Variants in WDFY4 observed in about 807,000 individuals in gnomAD.
WDFY4 encodes WDFY family member 4.
In WDFY4, 169 loss-of-function variants were observed where a neutral mutation model predicts 351.9. That is an observed-to-expected ratio of 0.48 (90% CI 0.42 to 0.55). The LOEUF (loss-of-function observed/expected upper bound fraction) is 0.55, where lower values mean the gene tolerates loss of function less well. Among genes scored for constraint, WDFY4 ranks in the 20% least tolerant of loss-of-function variants. The pLI, the probability that WDFY4 is intolerant of heterozygous loss-of-function variation, is 0.00. For missense variants in WDFY4, 3,803 were observed against 3,935.6 expected, an observed-to-expected ratio of 0.97 and a Z score of 0.90; for synonymous variants, 1,622 against 1,574.6, an observed-to-expected ratio of 1.03 and a Z score of -0.71.
rs2064168437 is a variant in WDFY4 at position 48,723,708 on chromosome 10, C to T, written c.591+141C>T. The T allele has an allele frequency of 4.3e-6, 5 of 1,175,354 alleles. No homozygotes were observed. The South Asian group carries it at 4.8e-5, about 11-fold the overall frequency. 72.8% of individuals were successfully genotyped at this position (1,175,354 alleles called of 1,614,324 possible). On this transcript the variant is annotated intron_variant, in intron 5 of 61. Coordinates refer to ENST00000325239, the MANE Select transcript of WDFY4 (RefSeq NM_001394531.1). Reference sequence around the variant, plus strand: ...TGTTCTCCCAGAGGGTCTAACCTCCCCCTCCCCTCCCCACCACTGCACAGT... The same window carrying T: ...TGTTCTCCCAGAGGGTCTAACCTCCTCCTCCCCTCCCCACCACTGCACAGT...
At chr10:48,900,787 C>T (rs999827916) in intron 46 of WDFY4, among the ~76,000 whole-genome samples, 1 of 152,120 alleles carries the variant, frequency 6.6e-6, no homozygotes, top group Admixed American at 6.5e-5. Context: ...TGTTTTTCTC[C>T]AGATGGATCA....
At chr10:48,821,618 G>T (rs542891740) in intron 34 of WDFY4, among the ~76,000 whole-genome samples, 3 of 152,270 alleles carry the variant, frequency 2.0e-5, no homozygotes, top group Admixed American at 6.5e-5. Flanking sequence ...AAAATTGAAG[G>T]TTCATTCAAA....
Position 48,830,968 on chromosome 10 carries a change from G to C in WDFY4, c.6526+83G>C, listed in dbSNP as rs2068170628. 2.9e-6 allele frequency: 4 copies of C among 1,394,046 alleles called. No individual in the cohort carries two copies. In the South Asian group the frequency reaches 4.3e-5, roughly 15 times the overall value. The allele number at this position is 1,394,046 out of a possible 1,614,324, so 86.4% of individuals were successfully genotyped here. ...CCCGCAAGGTTCAACTCAGTGCCTA[G>C]AGCCTTTTCCACCTGGACCCTCTGT... On this transcript the variant is annotated intron_variant, in intron 38 of 61. Transcript: ENST00000325239.
intron 53 of WDFY4, among the ~76,000 whole-genome samples, chr10:48,961,472 G>T (rs2131796372): frequency 6.6e-6 from 1 of 152,350 alleles, no homozygotes; most frequent in Admixed American, 6.5e-5. Context: ...TAGGAAGCAT[G>T]TGAACACCCA....
intron 40 of WDFY4, 56 bp downstream of exon 40, chr10:48,867,398 C>A: frequency 2.5e-6 from 3 of 1,210,418 alleles, no homozygotes; most frequent in South Asian, 1.8e-5. Context: ...CACCTTGAAC[C>A]TGAAAAATAA....
At chr10:48,844,527 G>A (rs1589737741) in intron 39 of WDFY4, among the ~76,000 whole-genome samples, 1 of 152,152 alleles carries the variant, frequency 6.6e-6, no homozygotes, top group African/African-American at 2.4e-5. Flanking sequence ...TGGAGGCAGA[G>A]GTTGCAGTGA....
intron 40 of WDFY4, among the ~76,000 whole-genome samples, chr10:48,868,712 G>T (rs2069646622): frequency 6.6e-6 from 1 of 152,204 alleles, no homozygotes; most frequent in Non-Finnish European, 1.5e-5. Flanking sequence ...ACCATTTTGA[G>T]ATGGAGGATG....
At chr10:48,908,188 C>G (rs1255329188) in intron 47 of WDFY4, among the ~76,000 whole-genome samples, 2 of 152,214 alleles carry the variant, frequency 1.3e-5, no homozygotes, top group Non-Finnish European at 1.5e-5. Flanking sequence ...TGTAGCAAGC[C>G]TGCCCTTTTT....
At chr10:48,701,061 G>A (rs566618071) in intron 1 of WDFY4, among the ~76,000 whole-genome samples, 126 of 152,212 alleles carry the variant, frequency 8.3e-4, no homozygotes, top group African/African-American at 2.9e-3. Context: ...GAAACTCTGT[G>A]CCCATTAAAC....
Position 48,760,448 on chromosome 10 carries a change from G to A in WDFY4, c.2553+8G>A, listed in dbSNP as rs1431946663. The A allele has an allele frequency of 6.4e-7, 1 of 1,551,540 alleles. No homozygotes were observed. Among genetic ancestry groups the A allele is most frequent in the Non-Finnish European group, 8.7e-7 (1 of 1,146,870 alleles). On this transcript the variant is annotated splice_region_variant and intron_variant, in intron 13 of 61. Transcript: ENST00000325239. ...CATGAAGATCACCCACAGGTACCTG[G>A]TGTTGAATATGTGTGTTTTGTCATC... is the stretch of plus-strand genomic sequence containing the variant.
intron 23 of WDFY4, among the ~76,000 whole-genome samples, chr10:48,794,364 A>T (rs1487784037): frequency 6.6e-6 from 1 of 152,164 alleles, no homozygotes; most frequent in Non-Finnish European, 1.5e-5. Flanking sequence ...GCGGTCCAGC[A>T]GGCCGCCGAC....
At chr10:48,690,893 G>C (rs1487212240) in intron 1 of WDFY4, among the ~76,000 whole-genome samples, 1 of 152,178 alleles carries the variant, frequency 6.6e-6, no homozygotes, top group Non-Finnish European at 1.5e-5. Context: ...CCCCACTCTG[G>C]TTTGTGGGTC....
At chr10:48,857,151 G>T (rs2069161834) in intron 39 of WDFY4, among the ~76,000 whole-genome samples, 1 of 152,080 alleles carries the variant, frequency 6.6e-6, no homozygotes, top group Non-Finnish European at 1.5e-5. Context: ...TTGGCTCACA[G>T]AACTAACAGT....
At chr10:48,906,226 A>G (rs1258088378) in intron 47 of WDFY4, among the ~76,000 whole-genome samples, 1 of 152,308 alleles carries the variant, frequency 6.6e-6, no homozygotes, top group African/African-American at 2.4e-5. Flanking sequence ...CACTTGGCCT[A>G]GGCTACAGAT....
chr10:48,873,866 G>A (rs988894324), intron 41 of WDFY4, among the ~76,000 whole-genome samples, 169 bp downstream of exon 41: 12 of 152,190 alleles, frequency 7.9e-5, no homozygotes, highest in African/African-American at 2.2e-4. Context: ...GAGGAGAAAA[G>A]CATCACTAAC....
At chr10:48,737,377 C>T (rs962606263) in intron 11 of WDFY4, among the ~76,000 whole-genome samples, 2 of 152,146 alleles carry the variant, frequency 1.3e-5, no homozygotes, top group African/African-American at 4.8e-5. Flanking sequence ...AGTGAAGTTG[C>T]TCTGATTTCC....
chr10:48,775,621 C>T (rs1164988286), intron 14 of WDFY4, 91 bp from the exon 15 acceptor site: 8 of 1,259,938 alleles, frequency 6.3e-6, no homozygotes, highest in Non-Finnish European at 9.0e-6. Context: ...TCAGGGAGCT[C>T]CAGGCATCTA....
intron 40 of WDFY4, among the ~76,000 whole-genome samples, chr10:48,872,576 G>A (rs11101541): frequency 6.6e-6 from 1 of 152,196 alleles, no homozygotes; most frequent in Non-Finnish European, 1.5e-5. Flanking sequence ...AACATTAAAT[G>A]TGGGACAAAT....
chr10:48,787,044 AG>A (rs1484275352), intron 20 of WDFY4, among the ~76,000 whole-genome samples, 174 bp downstream of exon 20: 9 of 152,380 alleles, frequency 5.9e-5, no homozygotes, highest in African/African-American at 2.2e-4. Flanking sequence ...GTCACAGAAA[AG>A]GAAATGACAA....
Sources: gnomAD v4.1 joint callset for allele counts (sites outside exome capture counted in the v4.1 genomes callset) on GRCh38, gnomAD v4.1.1 for gene constraint, MANE v1.5 for transcripts, NCBI Gene and HGNC (gene_info 2026-07-23, HGNC 2026-07-21) for gene names.